The following ANO6 variants were observed in gnomAD, a reference collection of about 807,000 sequenced individuals.
ANO6 encodes the protein anoctamin-6.
In ANO6, 106 loss-of-function variants were observed where a neutral mutation model predicts 117.5. The observed-to-expected ratio is 0.90, with a 90% CI of 0.77 to 1.06. The LOEUF (loss-of-function observed/expected upper bound fraction) is 1.06, where lower values mean the gene tolerates loss of function less well. Ranked by LOEUF, ANO6 falls within the 50% of genes least tolerant of loss-of-function variation. The pLI is 0.00. For synonymous variants in ANO6, 367 were observed against 385.1 expected, an observed-to-expected ratio of 0.95 and a Z score of 0.55; for missense variants, 955 against 1,121.1, an observed-to-expected ratio of 0.85 and a Z score of 2.12.
At chr12:45,424,523 G>T (rs1943451345) in intron 19 of ANO6, among the ~76,000 whole-genome samples, 1 of 151,770 alleles carries the variant, frequency 6.6e-6, no homozygotes. Context: ...TTTTAGTAGA[G>T]ATGGGGTTTC....
rs922882909 is a variant in ANO6 at position 45,431,861 on chromosome 12, T to A, written c.*2550T>A. Reference sequence around the variant, plus strand: ...TAGAGAAACTGAGCTTTATATCCTTTTTTAATGCCTGTGAATTTTAGCATA... The same window carrying A: ...TAGAGAAACTGAGCTTTATATCCTTATTTAATGCCTGTGAATTTTAGCATA... On this transcript the variant is annotated 3_prime_UTR_variant, in exon 20 of 20. Transcript: ENST00000320560. 5.1e-6 allele frequency: 5 copies of A among 985,342 alleles called. No homozygotes were observed. The African/African-American group carries it at 8.7e-5, about 17-fold the overall frequency. 61.0% of individuals were successfully genotyped at this position (985,342 alleles called of 1,614,324 possible).
At position 45,333,498 on chromosome 12, in the gene ANO6, C is replaced by A. The variant is rs554873348; in HGVS notation, c.279+2075C>A. Among the ~76,000 whole-genome samples the A allele has an allele frequency of 2.2e-4, 34 of 152,066 alleles. No homozygotes were observed. In the South Asian group the frequency reaches 7.1e-3, roughly 32 times the overall value. On this transcript the variant is annotated intron_variant, in intron 3 of 19. Coordinates refer to ENST00000320560, the MANE Select transcript of ANO6 (RefSeq NM_001025356.3). ...TGGTTTTAAACAAGAGCTTTACTGC[C>A]ATGATGAAGGGCCCTAGAGCTGCTT...
intron 2 of ANO6, among the ~76,000 whole-genome samples, chr12:45,307,043 G>A (rs1939693196): frequency 6.6e-6 from 1 of 152,092 alleles, no homozygotes; most frequent in Non-Finnish European, 1.5e-5. Flanking sequence ...TGTGGCTGGA[G>A]TAGAATGAAA....
In ANO6 at chr12:45,367,683, T is replaced by C. The variant is rs773435645; in HGVS notation, c.999-5T>C. 2 of 1,610,964 alleles carry C rather than the reference T, an allele frequency of 1.2e-6. No individual in the cohort carries two copies. Among genetic ancestry groups the C allele is most frequent in the Non-Finnish European group, 1.7e-6 (2 of 1,178,028 alleles). On this transcript the variant is annotated splice_polypyrimidine_tract_variant and splice_region_variant and intron_variant, in intron 8 of 19. Coordinates refer to ENST00000320560, the MANE Select transcript of ANO6 (RefSeq NM_001025356.3). ...TAAAATTAAGTTTTATTTCTCTCTT[T>C]TTAGCAAAGAAGTTTGTCATCCTGA...
chr12:45,279,371 C>T (rs1276281484), intron 1 of ANO6, among the ~76,000 whole-genome samples: 1 of 152,138 alleles, frequency 6.6e-6, no homozygotes, highest in Non-Finnish European at 1.5e-5. Context: ...ACAATGTCTC[C>T]CCAAATTGTG....
In ANO6 at chr12:45,429,805, T is replaced by C. The variant is rs1943592152; in HGVS notation, c.*494T>C. 1 of 994,326 alleles carries C rather than the reference T, an allele frequency of 1.0e-6. No individual in the cohort carries two copies. Among genetic ancestry groups the C allele is most frequent in the African/African-American group, 1.7e-5 (1 of 57,262 alleles). 61.6% of individuals were successfully genotyped at this position (994,326 alleles called of 1,614,324 possible). A position where few individuals can be genotyped will look rare whatever the true frequency, so the allele number is the denominator to read the frequency against. Reference sequence around the variant, plus strand: ...TGTGATTAAAAATAGCTAACTAGACTCAAGGATTCACAATATTTAGGTGTA... The same window carrying C: ...TGTGATTAAAAATAGCTAACTAGACCCAAGGATTCACAATATTTAGGTGTA... On this transcript the variant is annotated 3_prime_UTR_variant, in exon 20 of 20. Transcript: ENST00000320560.
chr12:45,437,330 G>A (rs939820448), downstream of ANO6, among the ~76,000 whole-genome samples: 4 of 152,138 alleles, frequency 2.6e-5, no homozygotes, highest in Non-Finnish European at 5.9e-5. Flanking sequence ...GCATCTAGCC[G>A]CTTGCTGTTA....
chr12:45,369,947 T>C (rs1293313443), intron 9 of ANO6, among the ~76,000 whole-genome samples: 1 of 152,272 alleles, frequency 6.6e-6, no homozygotes, highest in East Asian at 1.9e-4. Flanking sequence ...ATTTTGACTT[T>C]GCTGCTTTCC....
intron 17 of ANO6, among the ~76,000 whole-genome samples, chr12:45,419,008 A>G (rs1943285895): frequency 6.6e-6 from 1 of 152,208 alleles, no homozygotes; most frequent in African/African-American, 2.4e-5. Context: ...GTATCTCACA[A>G]CCTACTGTCT....
intron 2 of ANO6, among the ~76,000 whole-genome samples, chr12:45,308,897 G>A (rs1939762307): frequency 6.6e-6 from 1 of 152,012 alleles, no homozygotes; most frequent in Admixed American, 6.6e-5. Flanking sequence ...TACAATATTG[G>A]CAAGATGTCA....
chr12:45,222,536 T>C (rs1055427048), intron 1 of ANO6, among the ~76,000 whole-genome samples: 3 of 152,138 alleles, frequency 2.0e-5, no homozygotes, highest in African/African-American at 7.2e-5. Flanking sequence ...GACACATATG[T>C]TTTTGTCCAT....
At chr12:45,339,492 T>A (rs1458635527) in intron 3 of ANO6, among the ~76,000 whole-genome samples, 1 of 152,140 alleles carries the variant, frequency 6.6e-6, no homozygotes, top group Non-Finnish European at 1.5e-5. Context: ...TTATTTCTTT[T>A]GTGATTTGAT....
intron 1 of ANO6, among the ~76,000 whole-genome samples, chr12:45,279,327 T>C (rs1242018261): frequency 6.6e-6 from 1 of 152,198 alleles, no homozygotes; most frequent in African/African-American, 2.4e-5. Flanking sequence ...TATTTAGCTT[T>C]CTCCAATTGG....
chr12:45,369,647 A>G (rs1941773176), intron 9 of ANO6, among the ~76,000 whole-genome samples: 1 of 152,204 alleles, frequency 6.6e-6, no homozygotes, highest in African/African-American at 2.4e-5. Flanking sequence ...TGAAAAAGAA[A>G]AAGCACTTTT....
chr12:45,401,931 C>A lies in ANO6; in HGVS notation c.1523C>A (p.Thr508Lys), dbSNP rs765127370. ...IQKYLTPQTA[T>K]SITASIISFI... ...AAATACCTGACTCCACAGACAGCCA[C>A]GTCCATCACGGCCTCCATCATCAGC... Residue 508 changes from threonine (T) to lysine (K), a missense_variant, in exon 13 of 20, where the codon ACG becomes AAG. Coordinates refer to ENST00000320560, the MANE Select transcript of ANO6 (RefSeq NM_001025356.3). 6.2e-7 allele frequency: 1 copy of A among 1,613,910 alleles called. No homozygotes were observed. The highest frequency in any genetic ancestry group is 8.5e-7 in the Non-Finnish European group (1 of 1,179,998).
At chr12:45,380,989 C>G (rs1021474068) in intron 10 of ANO6, among the ~76,000 whole-genome samples, 5 of 152,088 alleles carry the variant, frequency 3.3e-5, no homozygotes, top group African/African-American at 1.2e-4. Flanking sequence ...GCAATAAAGG[C>G]TGAGGAAGTT....
intron 1 of ANO6, among the ~76,000 whole-genome samples, chr12:45,289,721 A>G (rs1317620909): frequency 1.3e-5 from 2 of 152,158 alleles, no homozygotes; most frequent in Non-Finnish European, 2.9e-5. Flanking sequence ...TAAATACTCA[A>G]TTTGTGAGAT....
intron 1 of ANO6, among the ~76,000 whole-genome samples, chr12:45,241,369 C>G (rs1947741147): frequency 6.6e-6 from 1 of 152,206 alleles, no homozygotes; most frequent in South Asian, 2.1e-4. Context: ...GCATGCGTCA[C>G]AAAGTTCTCA....
chr12:45,411,238 G>A (rs1379338066), intron 16 of ANO6, among the ~76,000 whole-genome samples: 1 of 152,180 alleles, frequency 6.6e-6, no homozygotes, highest in Non-Finnish European at 1.5e-5. Flanking sequence ...GAAGTTGATA[G>A]GACTTTTAGA....
Sources: gnomAD v4.1 joint callset for allele counts (sites outside exome capture counted in the v4.1 genomes callset) on GRCh38, gnomAD v4.1.1 for gene constraint, MANE v1.5 for transcripts, NCBI Gene and HGNC (gene_info 2026-07-23, HGNC 2026-07-21) for gene names.